TTC39B: variants seen among roughly 807,000 people sequenced by gnomAD.
TTC39B encodes the protein tetratricopeptide repeat domain 39B.
In TTC39B, 92 loss-of-function variants were observed where a neutral mutation model predicts 96.6. The ratio of observed to expected loss-of-function variants is 0.95; its 90% confidence interval spans 0.80 to 1.13. TTC39B has a LOEUF of 1.13. Ranked by LOEUF, TTC39B falls within the 50% of genes most tolerant of loss-of-function variation. The probability of loss-of-function intolerance (pLI) is 0.00; values close to 1 mark genes in which losing one functional copy is unlikely to be tolerated. For synonymous variants in TTC39B, 367 were observed against 299.4 expected (o/e 1.23, Z -2.33); for missense variants, 955 against 809.3 (o/e 1.18, Z -2.18).
At chr9:15,203,148 G>A (rs1282982788) in intron 7 of TTC39B, among the ~76,000 whole-genome samples, 1 of 152,238 alleles carries the variant, frequency 6.6e-6, no homozygotes, top group Non-Finnish European at 1.5e-5. Flanking sequence ...CCACTCCCAT[G>A]TGCGGACTCT....
chr9:15,226,124 C>T, intron 2 of TTC39B, 112 bp from the exon 3 acceptor site: 1 of 777,230 alleles, frequency 1.3e-6, no homozygotes, highest in Non-Finnish European at 2.0e-6. Flanking sequence ...TACATCTTAC[C>T]TCCATTTCTT....
chr9:15,249,407 A>G (rs1822430544), intron 2 of TTC39B: 1 of 152,564 alleles, frequency 6.6e-6, no homozygotes, highest in Non-Finnish European at 1.5e-5. Context: ...GTCTAGGACA[A>G]TCAACACATG....
intron 17 of TTC39B, among the ~76,000 whole-genome samples, chr9:15,179,210 A>C (rs2118562353): frequency 6.6e-6 from 1 of 152,346 alleles, no homozygotes; most frequent in African/African-American, 2.4e-5. Context: ...GTTACAGGCA[A>C]GTACAACGTT....
chr9:15,178,495 A>G (rs1184911783), intron 17 of TTC39B, among the ~76,000 whole-genome samples: 1 of 152,198 alleles, frequency 6.6e-6, no homozygotes, highest in Non-Finnish European at 1.5e-5. Flanking sequence ...AGATCATTTG[A>G]GCCCAGCAGT....
At chr9:15,179,003 C>G (rs1818106787) in intron 17 of TTC39B, among the ~76,000 whole-genome samples, 1 of 152,160 alleles carries the variant, frequency 6.6e-6, no homozygotes, top group East Asian at 1.9e-4. Flanking sequence ...ATGAAAGGCA[C>G]CTAAAATCTC....
intron 6 of TTC39B, among the ~76,000 whole-genome samples, chr9:15,204,808 C>G (rs1310731851): frequency 6.6e-6 from 1 of 152,124 alleles, no homozygotes; most frequent in South Asian, 2.1e-4. Context: ...ATGTCTAGCA[C>G]AAGAACAAGG....
intron 3 of TTC39B, among the ~76,000 whole-genome samples, chr9:15,214,978 C>G (rs543706748): frequency 6.6e-6 from 1 of 152,264 alleles, no homozygotes; most frequent in South Asian, 2.1e-4. Context: ...AAGAAATAAA[C>G]CAGCACGCAT....
chr9:15,170,789 G>T (rs1043320263), exon 20 of TTC39B: 1 of 152,190 alleles, frequency 6.6e-6, no homozygotes, highest in Non-Finnish European at 1.5e-5. Context: ...ACACATACAT[G>T]TGGGGAGTTG....
chr9:15,208,715 A>T (rs576583439), intron 6 of TTC39B, among the ~76,000 whole-genome samples: 1 of 152,316 alleles, frequency 6.6e-6, no homozygotes, highest in East Asian at 1.9e-4. Context: ...TGACCAATGA[A>T]ATGCCATTCT....
intron 4 of TTC39B, among the ~76,000 whole-genome samples, chr9:15,213,296 A>G (rs535060896): frequency 6.6e-6 from 1 of 152,328 alleles, no homozygotes; most frequent in East Asian, 1.9e-4. Context: ...GCAAATATTG[A>G]AGACAACACT....
At chr9:15,180,687 C>T (rs1013069840) in intron 17 of TTC39B, among the ~76,000 whole-genome samples, 1 of 152,148 alleles carries the variant, frequency 6.6e-6, no homozygotes, top group Non-Finnish European at 1.5e-5. Flanking sequence ...TTTCCAACTT[C>T]TCTCCATTTT....
chr9:15,174,890 A>G, intron 19 of TTC39B, 129 bp downstream of exon 19: 1 of 696,850 alleles, frequency 1.4e-6, no homozygotes, highest in Non-Finnish European at 2.5e-6. Flanking sequence ...ACCAGAAGTT[A>G]GCAAAAGTAG....
At chr9:15,201,742 G>C (rs1471033978) in intron 7 of TTC39B, among the ~76,000 whole-genome samples, 1 of 152,154 alleles carries the variant, frequency 6.6e-6, no homozygotes, top group Non-Finnish European at 1.5e-5. Context: ...GGCTTTCAAG[G>C]ACACCTGTAA....
intron 10 of TTC39B, 32 bp downstream of exon 10, chr9:15,191,158 C>T (rs759059942): frequency 1.4e-6 from 2 of 1,460,394 alleles, no homozygotes; most frequent in Non-Finnish European, 9.6e-7. Context: ...CTTATCTTCC[C>T]TGTCAAAATT....
chr9:15,244,375 C>G (rs1822178678), intron 2 of TTC39B, among the ~76,000 whole-genome samples: 1 of 152,260 alleles, frequency 6.6e-6, no homozygotes, highest in Non-Finnish European at 1.5e-5. Flanking sequence ...ACGCCAGTCA[C>G]TGGCGGGCAG....
At chr9:15,251,390 C>A (rs1822530094) in intron 2 of TTC39B, among the ~76,000 whole-genome samples, 1 of 151,426 alleles carries the variant, frequency 6.6e-6, no homozygotes, top group Admixed American at 6.6e-5. Flanking sequence ...TGGAGAAACC[C>A]CGTCTCCTCT....
chr9:15,282,337 A>C (rs1823797839), intron 1 of TTC39B, among the ~76,000 whole-genome samples: 1 of 152,236 alleles, frequency 6.6e-6, no homozygotes, highest in African/African-American at 2.4e-5. Context: ...ATGCAGTAAA[A>C]GGAATTTGAA....
intron 4 of TTC39B, 78 bp downstream of exon 4, chr9:15,214,057 AAATT>A: frequency 9.3e-7 from 1 of 1,076,048 alleles, no homozygotes. Context: ...GGGAACAGCT[AAATT>A]AATTTACAAG....
chr9:15,233,779 C>T (rs1821584497), intron 2 of TTC39B, among the ~76,000 whole-genome samples: 1 of 152,258 alleles, frequency 6.6e-6, no homozygotes, highest in Middle Eastern at 3.4e-3. Context: ...GGCCGCCACC[C>T]CGTCTGGGAA....
Sources: gnomAD v4.1 joint callset for allele counts (sites outside exome capture counted in the v4.1 genomes callset) on GRCh38, gnomAD v4.1.1 for gene constraint, MANE v1.5 for transcripts, NCBI Gene and HGNC (gene_info 2026-07-23, HGNC 2026-07-21) for gene names.